Variants in CAMTA1 observed in about 807,000 individuals in gnomAD.
CAMTA1 encodes calmodulin-binding transcription activator 1.
In CAMTA1, 27 loss-of-function variants were observed where a neutral mutation model predicts 170.9. That is an observed-to-expected ratio of 0.16 (90% CI 0.12 to 0.22). CAMTA1 has a LOEUF of 0.22. Ranked by LOEUF, CAMTA1 falls within the 10% of genes least tolerant of loss-of-function variation. CAMTA1 has a pLI of 1.00. For missense variants in CAMTA1, 1,619 were observed against 2,217.2 expected (o/e 0.73, Z 5.42); for synonymous variants, 833 against 891.5 (o/e 0.93, Z 1.17).
intron 1 of CAMTA1, 71 bp downstream of exon 1, chr1:6,785,646 C>G: frequency 4.9e-6 from 4 of 821,038 alleles, no homozygotes; most frequent in East Asian, 1.5e-4. Context: ...CCGGACATCC[C>G]GGGCATCGGC....
intron 11 of CAMTA1, 132 bp downstream of exon 11, chr1:7,677,865 G>A (rs1051623115): frequency 3.8e-5 from 40 of 1,039,290 alleles, no homozygotes; most frequent in Non-Finnish European, 5.3e-5. Flanking sequence ...AGCAAAGGAA[G>A]GCCGACTGGG....
chr1:7,493,014 C>T (rs915582116), intron 6 of CAMTA1, among the ~76,000 whole-genome samples: 1 of 149,466 alleles, frequency 6.7e-6, no homozygotes, highest in Non-Finnish European at 1.5e-5. Flanking sequence ...CACAAACCTA[C>T]AAACACACAT....
intron 10 of CAMTA1, among the ~76,000 whole-genome samples, chr1:7,675,082 G>T: frequency 6.6e-6 from 1 of 152,326 alleles, no homozygotes; most frequent in African/African-American, 2.4e-5. Flanking sequence ...GAACATGGAT[G>T]AGCAGAGGCC....
At chr1:7,031,742 T>C (rs1056649875) in intron 3 of CAMTA1, among the ~76,000 whole-genome samples, 11 of 151,944 alleles carry the variant, frequency 7.2e-5, no homozygotes, top group Non-Finnish European at 1.2e-4. Flanking sequence ...GGGGTTTCAC[T>C]GTGTTAGCCA....
At chr1:7,684,542 C>T (rs2096242212) in intron 11 of CAMTA1, among the ~76,000 whole-genome samples, 1 of 152,204 alleles carries the variant, frequency 6.6e-6, no homozygotes, top group South Asian at 2.1e-4. Flanking sequence ...TGCTGATCAT[C>T]GTTATGGATC....
chr1:6,879,853 C>T (rs928886123), intron 3 of CAMTA1, among the ~76,000 whole-genome samples: 15 of 151,062 alleles, frequency 9.9e-5, no homozygotes, highest in Admixed American at 2.0e-4. Context: ...TCTCGAACTC[C>T]TGGGCTCAAG....
At chr1:6,885,780 G>T (rs1673040588) in intron 3 of CAMTA1, among the ~76,000 whole-genome samples, 1 of 152,124 alleles carries the variant, frequency 6.6e-6, no homozygotes, top group Non-Finnish European at 1.5e-5. Context: ...CCACCCAGCT[G>T]CATCTCACCT....
At position 7,768,188 on chromosome 1, in the gene CAMTA1, C is replaced by T. The variant is rs537827960; in HGVS notation, c.*1697C>T. The T allele has an allele frequency of 5.6e-5, 8 of 144,000 alleles. No individual in the cohort carries two copies. Among genetic ancestry groups the T allele is most frequent in the Admixed American group, 7.2e-5 (1 of 13,858 alleles). The allele number at this position is 144,000 out of a possible 1,614,324, so 8.9% of individuals were successfully genotyped here. A position where few individuals can be genotyped will look rare whatever the true frequency, so the allele number is the denominator to read the frequency against. On this transcript the variant is annotated 3_prime_UTR_variant, in exon 23 of 23. Transcript: ENST00000303635. ...AAATGTCACGTTTCCATATCTCCTG[C>T]TGGAAATCAGAAAATATAATAAAAT...
At chr1:7,541,482 C>T (rs534432859) in intron 6 of CAMTA1, among the ~76,000 whole-genome samples, 14 of 152,316 alleles carry the variant, frequency 9.2e-5, no homozygotes, top group East Asian at 1.9e-4. Context: ...AATAAAGCAG[C>T]GCTCACAAGT....
intron 3 of CAMTA1, among the ~76,000 whole-genome samples, chr1:7,047,933 A>T (rs1007374710): frequency 6.6e-6 from 1 of 152,006 alleles, no homozygotes; most frequent in East Asian, 1.9e-4. Flanking sequence ...TCACCAGGTG[A>T]CTTTTTCTAG....
rs79677278 is a variant in CAMTA1 at position 7,036,014 on chromosome 1, C to T, written c.235-55290C>T. ...CGGTACCATTTATATAAGCTTAAAA[C>T]GTAAAAAATATTTGTTGTTTATGGA... On this transcript the variant is annotated intron_variant, in intron 3 of 22. Transcript: ENST00000303635. 8.9e-4 allele frequency among the ~76,000 whole-genome samples: 136 copies of T among 152,030 alleles called. 3 individuals carry two copies. In the East Asian group the frequency reaches 0.023, roughly 25 times the overall value.
intron 5 of CAMTA1, among the ~76,000 whole-genome samples, chr1:7,431,450 C>T (rs914674220): frequency 6.6e-6 from 1 of 152,238 alleles, no homozygotes; most frequent in African/African-American, 2.4e-5. Context: ...ACAGGTCCTA[C>T]TGTGCCTTCA....
At chr1:7,380,946 A>G (rs2087252946) in intron 5 of CAMTA1, among the ~76,000 whole-genome samples, 1 of 152,142 alleles carries the variant, frequency 6.6e-6, no homozygotes, top group Admixed American at 6.5e-5. Context: ...ACTCTGAGCC[A>G]GACTCTGTGC....
intron 3 of CAMTA1, among the ~76,000 whole-genome samples, chr1:6,848,154 T>C (rs1659005853): frequency 6.7e-6 from 1 of 150,368 alleles, no homozygotes; most frequent in Non-Finnish European, 1.5e-5. Context: ...GTTTACATTT[T>C]AACAGATTTT....
intron 7 of CAMTA1, among the ~76,000 whole-genome samples, chr1:7,647,721 G>A (rs2095818907): frequency 6.6e-6 from 1 of 152,210 alleles, no homozygotes; most frequent in Non-Finnish European, 1.5e-5. Context: ...CGGCGGGCTG[G>A]GAGCTCCGAG....
At position 7,463,251 on chromosome 1, in the gene CAMTA1, G is replaced by C. The variant is rs1007691127; in HGVS notation, c.439-4579G>C. Among the ~76,000 whole-genome samples the C allele has an allele frequency of 6.6e-6, 1 of 152,150 alleles. No individual in the cohort carries two copies. The highest frequency in any genetic ancestry group is 1.5e-5 in the Non-Finnish European group (1 of 68,028). On this transcript the variant is annotated intron_variant, in intron 5 of 22. Transcript: ENST00000303635. This position sits in a 1 kb window ranked among gnomAD's most constrained non-coding sequence, Gnocchi z 4.7. ...GCTGAATCCTCTGCGGCTTCCCCCA[G>C]GCAGGGCATGGGAGGTGGAAGGAAA...
At chr1:7,314,233 G>A (rs1213137403) in intron 5 of CAMTA1, among the ~76,000 whole-genome samples, 1 of 152,166 alleles carries the variant, frequency 6.6e-6, no homozygotes, top group Non-Finnish European at 1.5e-5. Context: ...AACCGTTTGA[G>A]TACTGAAGCA....
intron 4 of CAMTA1, among the ~76,000 whole-genome samples, chr1:7,220,240 A>G (rs1349331416): frequency 6.6e-6 from 1 of 152,194 alleles, no homozygotes; most frequent in Non-Finnish European, 1.5e-5. Context: ...GAATACATGG[A>G]GTATCTTTGT....
chr1:7,178,900 CA>C (rs1165815841), intron 4 of CAMTA1, among the ~76,000 whole-genome samples: 1 of 152,232 alleles, frequency 6.6e-6, no homozygotes, highest in Non-Finnish European at 1.5e-5. Flanking sequence ...GGATTGGAAG[CA>C]TCCATTCTCA....
Sources: gnomAD v4.1 joint callset for allele counts (sites outside exome capture counted in the v4.1 genomes callset) on GRCh38, gnomAD v4.1.1 for gene constraint, Gnocchi (gnomAD v3.1) non-coding constraint, MANE v1.5 for transcripts, NCBI Gene and HGNC (gene_info 2026-07-23, HGNC 2026-07-21) for gene names.